The following PAH variants were observed in gnomAD, a reference collection of about 807,000 sequenced individuals.
The protein encoded by PAH is phenylalanine-4-hydroxylase.
In PAH, 64 loss-of-function variants were observed where a neutral mutation model predicts 62.0. The ratio of observed to expected loss-of-function variants is 1.03; its 90% CI spans 0.84 to 1.27. The LOEUF (loss-of-function observed/expected upper bound fraction) is 1.27, where lower values mean the gene tolerates loss of function less well. Ranked by LOEUF, PAH falls within the 50% of genes most tolerant of loss-of-function variation. The pLI, the probability that PAH is intolerant of heterozygous loss-of-function variation, is 0.00. For missense variants in PAH, 579 were observed against 542.8 expected (o/e 1.07, Z -0.66); for synonymous variants, 195 against 196.2 (o/e 0.99, Z 0.05).
chr12:102,846,141 A>C (rs191193867), intron 9 of PAH, among the ~76,000 whole-genome samples: 26 of 152,294 alleles, frequency 1.7e-4, no homozygotes, highest in Admixed American at 1.2e-3. Flanking sequence ...GTTAGAGATG[A>C]GGAAGAAAAA....
intron 6 of PAH, among the ~76,000 whole-genome samples, chr12:102,854,040 C>A (rs1875297545): frequency 6.6e-6 from 1 of 152,132 alleles, no homozygotes; most frequent in Non-Finnish European, 1.5e-5. Context: ...TTGGCCATGG[C>A]AATGGAAGTA....
chr12:102,883,402 A>C (rs1876903241), intron 3 of PAH, among the ~76,000 whole-genome samples: 1 of 152,182 alleles, frequency 6.6e-6, no homozygotes, highest in African/African-American at 2.4e-5. Flanking sequence ...GCCAGAGGGC[A>C]GCAGAACCAG....
chr12:102,939,322 G>T (rs1381010085), intron 1 of PAH, among the ~76,000 whole-genome samples: 1 of 152,106 alleles, frequency 6.6e-6, no homozygotes. Flanking sequence ...CACTACAGAA[G>T]ACCTATGGAA....
At chr12:102,949,420 G>T (rs778529319) in intron 1 of PAH, among the ~76,000 whole-genome samples, 9 of 152,186 alleles carry the variant, frequency 5.9e-5, no homozygotes, top group African/African-American at 9.7e-5. Flanking sequence ...GGATCATGTG[G>T]TCCACGCCTG....
chr12:102,950,212 C>T (rs1879687488), intron 1 of PAH: 1 of 152,400 alleles, frequency 6.6e-6, no homozygotes, highest in Non-Finnish European at 1.5e-5. Flanking sequence ...CTCTTCCTCT[C>T]TCTTCCTCTT....
At position 102,875,614 on chromosome 12, in the gene PAH, C is replaced by T. The variant is rs968579982; in HGVS notation, c.441+1848G>A. On this transcript the variant is annotated intron_variant, in intron 4 of 12. Transcript: ENST00000553106. ...GAGCAACCTTGGCGCCCCAGGGCTC[C>T]TGGGAGTAGGCTACATGGTATATAG... Among the ~76,000 whole-genome samples the T allele has an allele frequency of 2.6e-5, 4 of 152,284 alleles. No homozygotes were observed. The East Asian group carries it at 7.7e-4, about 29-fold the overall frequency.
In PAH at chr12:102,912,902, C is replaced by T; in HGVS notation, c.61-4G>A. On this transcript the variant is annotated splice_region_variant and splice_polypyrimidine_tract_variant and intron_variant, in intron 1 of 12. Coordinates refer to ENST00000553106, the MANE Select transcript of PAH (RefSeq NM_000277.3). ...TGTCTTCAATATAGCTTGTTTCCTA[C>T]AGGATAAGATGCATTTGTTTAAAAC... 1.3e-6 allele frequency: 2 copies of T among 1,585,158 alleles called. No homozygotes were observed. Among genetic ancestry groups the T allele is most frequent in the Non-Finnish European group, 8.7e-7 (1 of 1,153,704 alleles).
At chr12:102,915,309 G>T (rs1878341667) in intron 1 of PAH, 2 of 152,150 alleles carry the variant, frequency 1.3e-5, no homozygotes, top group Non-Finnish European at 2.9e-5. Context: ...CACAGAAATT[G>T]ATTTGTCCTT....
intron 2 of PAH, among the ~76,000 whole-genome samples, chr12:102,897,396 G>T: frequency 6.7e-6 from 1 of 149,310 alleles, no homozygotes. Flanking sequence ...TTATTATAGA[G>T]ATTTTTTACT....
intron 1 of PAH, among the ~76,000 whole-genome samples, chr12:102,940,069 A>G (rs958463036): frequency 5.9e-5 from 9 of 152,196 alleles, no homozygotes; most frequent in Non-Finnish European, 1.3e-4. Flanking sequence ...ACAATAGCAA[A>G]AATACTTTGC....
At chr12:102,902,827 G>A (rs1877814671) in intron 2 of PAH, among the ~76,000 whole-genome samples, 1 of 152,128 alleles carries the variant, frequency 6.6e-6, no homozygotes, top group African/African-American at 2.4e-5. Flanking sequence ...CTCTTGGCAT[G>A]TCTCCTGTGT....
chr12:102,895,183 T>C (rs1420541244), intron 2 of PAH, among the ~76,000 whole-genome samples: 3 of 152,134 alleles, frequency 2.0e-5, no homozygotes, highest in Admixed American at 2.0e-4. Flanking sequence ...AGGCCTAGAA[T>C]TGCCACTATA....
rs1048377985 is a variant in PAH, at chr12:102,957,840, C to T, written c.-96+355G>A. The T allele has an allele frequency of 5.9e-6, 1 of 168,266 alleles. No homozygotes were observed. The highest frequency in any genetic ancestry group is 2.4e-5 in the African/African-American group (1 of 42,176). 10.4% of individuals were successfully genotyped at this position (168,266 alleles called of 1,614,324 possible). A position where few individuals can be genotyped will look rare whatever the true frequency, so the allele number is the denominator to read the frequency against. On this transcript the variant is annotated intron_variant, in intron 1 of 4. Coordinates refer to the PAH transcript ENST00000551337. This position sits in a 1 kb window ranked among gnomAD's most constrained non-coding sequence, Gnocchi z 4.1. The stretch of plus-strand genomic sequence containing the variant: ...CGAGACCCGGCGCAAGAGAGCGCAG[C>T]CTTAGTAGGAGAGGAACGCGAGACG...
chr12:102,875,611 C>T (rs1876528791), intron 4 of PAH, among the ~76,000 whole-genome samples: 1 of 152,164 alleles, frequency 6.6e-6, no homozygotes, highest in Non-Finnish European at 1.5e-5. Context: ...CGCCCCAGGG[C>T]TCCTGGGAGT....
At chr12:102,916,266 T>C (rs961411287) in intron 1 of PAH, among the ~76,000 whole-genome samples, 37 of 152,202 alleles carry the variant, frequency 2.4e-4, no homozygotes, top group African/African-American at 7.7e-4. Flanking sequence ...TGAGAACTCT[T>C]CTCCCTAATC....
intron 3 of PAH, among the ~76,000 whole-genome samples, chr12:102,887,101 C>G (rs79381873): frequency 6.7e-6 from 1 of 150,266 alleles, no homozygotes; most frequent in African/African-American, 2.5e-5. Context: ...ACAAAAATGT[C>G]GAAGAGGATG....
At chr12:102,878,815 C>T (rs1876687451) in intron 3 of PAH, among the ~76,000 whole-genome samples, 1 of 152,158 alleles carries the variant, frequency 6.6e-6, no homozygotes, top group African/African-American at 2.4e-5. Context: ...GGTACAGTTG[C>T]TATTTCTGAC....
At chr12:102,951,147 T>C (rs562515971), upstream of PAH, among the ~76,000 whole-genome samples, 5 of 152,312 alleles carry the variant, frequency 3.3e-5, no homozygotes, top group East Asian at 7.7e-4. Flanking sequence ...CTCATTAGCA[T>C]GAGCTGTGGC....
At chr12:102,865,814 T>A (rs1875930260) in intron 5 of PAH, among the ~76,000 whole-genome samples, 1 of 152,222 alleles carries the variant, frequency 6.6e-6, no homozygotes, top group Admixed American at 6.5e-5. Context: ...GCCCATCATC[T>A]TCTCCATCTC....
Sources: allele counts gnomAD v4.1 joint callset (sites outside exome capture counted in the v4.1 genomes callset), GRCh38; gene constraint gnomAD v4.1.1; non-coding constraint Gnocchi (gnomAD v3.1); transcripts MANE v1.5; gene names NCBI Gene and HGNC (gene_info 2026-07-23, HGNC 2026-07-21).